The following SETBP1 variants were observed in gnomAD, a reference collection of about 807,000 sequenced individuals.
SETBP1 encodes SET binding protein 1, also known as SET-binding protein.
A neutral mutation model predicts 101.0 loss-of-function variants in SETBP1; 9 were observed. The ratio of observed to expected loss-of-function variants is 0.09; its 90% CI spans 0.05 to 0.16. The LOEUF (loss-of-function observed/expected upper bound fraction) is 0.16, where lower values mean the gene tolerates loss of function less well. Among genes scored for constraint, SETBP1 ranks in the 10% least tolerant of loss-of-function variants. The probability of loss-of-function intolerance (pLI) is 1.00; values close to 1 mark genes in which losing one functional copy is unlikely to be tolerated. For missense variants in SETBP1, 1,858 were observed against 2,033.8 expected (o/e 0.91, Z 1.66); for synonymous variants, 818 against 788.5 (o/e 1.04, Z -0.63).
intron 4 of SETBP1, among the ~76,000 whole-genome samples, chr18:45,012,567 C>G (rs908884807): frequency 6.6e-6 from 1 of 151,990 alleles, no homozygotes; most frequent in Non-Finnish European, 1.5e-5. Flanking sequence ...ATTCACTAGC[C>G]CTGGGAGGAG....
At chr18:44,688,839 C>T (rs955211525) in intron 1 of SETBP1, among the ~76,000 whole-genome samples, 1 of 152,144 alleles carries the variant, frequency 6.6e-6, no homozygotes, top group Non-Finnish European at 1.5e-5. Flanking sequence ...CCTTTCTACT[C>T]GTTATACTTT....
At chr18:44,790,862 A>G (rs2071356285) in intron 2 of SETBP1, among the ~76,000 whole-genome samples, 1 of 152,236 alleles carries the variant, frequency 6.6e-6, no homozygotes, top group Non-Finnish European at 1.5e-5. Flanking sequence ...ATAAAAATGT[A>G]CATTCCTTAA....
At chr18:44,779,221 G>T (rs1048756566) in intron 2 of SETBP1, among the ~76,000 whole-genome samples, 3 of 152,184 alleles carry the variant, frequency 2.0e-5, no homozygotes, top group Non-Finnish European at 4.4e-5. Context: ...GAGAGGCAGG[G>T]TATGTGTGAT....
chr18:44,894,224 A>G (rs1329362546), intron 3 of SETBP1, among the ~76,000 whole-genome samples: 1 of 152,202 alleles, frequency 6.6e-6, no homozygotes, highest in South Asian at 2.1e-4. Flanking sequence ...CAAAGAATGC[A>G]GGAAATGGTA....
rs1321605484 is a variant in SETBP1 at position 44,891,730 on chromosome 18, T to G, written c.540+22447T>G. 7.2e-5 allele frequency among the ~76,000 whole-genome samples: 11 copies of G among 152,290 alleles called. No individual in the cohort carries two copies. The East Asian group carries it at 2.1e-3, about 29-fold the overall frequency. ...TGGGTTATTGCTTAGTCTTCTACTG[T>G]TCCTTTCCGTCTTTATCTGACCAAT... On this transcript the variant is annotated intron_variant, in intron 3 of 5. Coordinates refer to ENST00000649279, the MANE Select transcript of SETBP1 (RefSeq NM_015559.3).
intron 4 of SETBP1, 43 bp downstream of exon 4, chr18:44,953,383 A>AT (rs1239855742): frequency 6.4e-7 from 1 of 1,555,614 alleles, no homozygotes. Context: ...AAGTTATTTC[A>AT]TTGCTGGGCT....
At chr18:45,026,979 G>T (rs1158337640) in intron 4 of SETBP1, among the ~76,000 whole-genome samples, 1 of 152,148 alleles carries the variant, frequency 6.6e-6, no homozygotes, top group East Asian at 1.9e-4. Context: ...TCTGATGTTG[G>T]AGATGCAGAA....
chr18:44,929,909 T>G (rs2070788838), intron 3 of SETBP1, among the ~76,000 whole-genome samples: 1 of 152,244 alleles, frequency 6.6e-6, no homozygotes, highest in Non-Finnish European at 1.5e-5. Context: ...TCTCTCTTCC[T>G]AATCAAATAC....
chr18:44,734,364 T>C (rs568851410), intron 2 of SETBP1, among the ~76,000 whole-genome samples: 1 of 152,364 alleles, frequency 6.6e-6, no homozygotes, highest in South Asian at 2.1e-4. Context: ...CCTAGCTGTC[T>C]GCTATTCCAG....
rs1293774155 is a variant in SETBP1 at position 44,781,467 on chromosome 18, CTCTCTG to C, written c.486+79647_486+79652del. On this transcript the variant is annotated intron_variant, in intron 2 of 5. Transcript: ENST00000649279. The stretch of plus-strand genomic sequence containing the variant: ...TGCACCGCTCTCTCTCTCTCTCTCT[CTCTCTG>C]TCTCTGTCTCTCTCTCTCTCTCCCT... Among the ~76,000 whole-genome samples, 187 of 151,938 alleles carry C rather than the reference CTCTCTG, an allele frequency of 1.2e-3. 1 individual carries two copies. The highest frequency in any genetic ancestry group is 4.2e-3 in the African/African-American group (172 of 41,418).
chr18:44,759,868 T>G (rs148171856), intron 2 of SETBP1, among the ~76,000 whole-genome samples: 6 of 152,222 alleles, frequency 3.9e-5, no homozygotes, highest in African/African-American at 1.2e-4. Context: ...ACCAAAAAAC[T>G]CCAAAAAACT....
At chr18:44,924,094 A>G (rs911737402) in intron 3 of SETBP1, among the ~76,000 whole-genome samples, 12 of 152,146 alleles carry the variant, frequency 7.9e-5, no homozygotes, top group African/African-American at 2.9e-4. Flanking sequence ...AGACAGACAC[A>G]AACAGGAAAA....
chr18:44,837,817 A>G (rs1309740022), intron 2 of SETBP1, among the ~76,000 whole-genome samples: 1 of 152,208 alleles, frequency 6.6e-6, no homozygotes, highest in African/African-American at 2.4e-5. Flanking sequence ...CAGGGCATAG[A>G]TATATACTAA....
chr18:44,808,547 T>A (rs2071795528), intron 2 of SETBP1, among the ~76,000 whole-genome samples: 1 of 152,120 alleles, frequency 6.6e-6, no homozygotes, highest in South Asian at 2.1e-4. Context: ...GGAGAGTAAT[T>A]GTAAGAACAC....
At chr18:44,937,223 C>G (rs921511442) in intron 3 of SETBP1, among the ~76,000 whole-genome samples, 1 of 151,792 alleles carries the variant, frequency 6.6e-6, no homozygotes, top group African/African-American at 2.4e-5. Flanking sequence ...GAGGCCGAGG[C>G]GGGCGGATCA....
At chr18:44,815,810 C>T (rs556117306) in intron 2 of SETBP1, among the ~76,000 whole-genome samples, 2 of 152,180 alleles carry the variant, frequency 1.3e-5, no homozygotes, top group Non-Finnish European at 2.9e-5. Context: ...AAACAACAGC[C>T]TGAGGACATA....
At chr18:44,995,529 TTGTGTGTGTGTGTGTGTGTG>T (rs60256060) in intron 4 of SETBP1, among the ~76,000 whole-genome samples, 7 of 142,970 alleles carry the variant, frequency 4.9e-5, no homozygotes, top group East Asian at 2.1e-4. Flanking sequence ...GTCCAGGCTT[TTGTGTGTGTGTGTGTGTGTG>T]TGTGTGTGTG....
At chr18:45,031,320 T>C (rs2073293425) in intron 4 of SETBP1, among the ~76,000 whole-genome samples, 1 of 152,210 alleles carries the variant, frequency 6.6e-6, no homozygotes, top group South Asian at 2.1e-4. Flanking sequence ...CTTTGTCATA[T>C]TCACAGGTTC....
At chr18:44,912,388 A>C (rs1414743761) in intron 3 of SETBP1, among the ~76,000 whole-genome samples, 3 of 152,206 alleles carry the variant, frequency 2.0e-5, no homozygotes, top group Non-Finnish European at 4.4e-5. Context: ...TATGTTGTGA[A>C]ATAAATGCTA....
Sources: gnomAD v4.1 joint callset for allele counts (sites outside exome capture counted in the v4.1 genomes callset) on GRCh38, gnomAD v4.1.1 for gene constraint, MANE v1.5 for transcripts, NCBI Gene and HGNC (gene_info 2026-07-23, HGNC 2026-07-21) for gene names.